The following ATRNL1 variants were observed in gnomAD, a reference collection of about 807,000 sequenced individuals.
The protein encoded by ATRNL1 is attractin-like protein 1.
ATRNL1 carries 95 observed loss-of-function variants against 182.7 expected under a neutral mutation model. The observed-to-expected ratio is 0.52, with a 90% CI of 0.44 to 0.62. ATRNL1 has a LOEUF of 0.62. Ranked by LOEUF, ATRNL1 falls within the 20% of genes least tolerant of loss-of-function variation. The pLI is 0.00. For missense variants in ATRNL1, 1,471 were observed against 1,679.5 expected (o/e 0.88, Z 2.17); for synonymous variants, 576 against 568.3 (o/e 1.01, Z -0.19).
At chr10:115,944,536 A>C in intron 28 of ATRNL1, 122 bp from the exon 29 acceptor site, 1 of 774,112 alleles carries the variant, frequency 1.3e-6, no homozygotes, top group African/African-American at 1.8e-5. Context: ...GAAAACTTCC[A>C]TTAACAGCCA....
At chr10:115,822,905 G>C (rs1161532132) in intron 27 of ATRNL1, among the ~76,000 whole-genome samples, 2 of 152,128 alleles carry the variant, frequency 1.3e-5, no homozygotes, top group Non-Finnish European at 2.9e-5. Context: ...AACAGAAAAA[G>C]GGGGACTCCT....
intron 26 of ATRNL1, among the ~76,000 whole-genome samples, chr10:115,689,950 T>C (rs72641356): frequency 0.02 from 2,994 of 152,214 alleles, 118 homozygotes; most frequent in East Asian, 0.19. Flanking sequence ...GCTGTACTTG[T>C]AACAGTGTGC....
chr10:115,423,662 A>G (rs561914907), intron 20 of ATRNL1, among the ~76,000 whole-genome samples: 22 of 152,358 alleles, frequency 1.4e-4, no homozygotes, highest in Non-Finnish European at 2.4e-4. Flanking sequence ...CAAAAATGCC[A>G]AGAATACACG....
intron 15 of ATRNL1, among the ~76,000 whole-genome samples, chr10:115,290,160 C>T (rs1852825119): frequency 1.3e-5 from 2 of 151,062 alleles, no homozygotes; most frequent in African/African-American, 4.9e-5. Context: ...ATTTATTTTC[C>T]ACCTAGTTTG....
intron 18 of ATRNL1, among the ~76,000 whole-genome samples, chr10:115,320,006 G>A (rs1253821942): frequency 5.9e-5 from 9 of 151,512 alleles, no homozygotes; most frequent in South Asian, 2.1e-4. Flanking sequence ...TTTATATCTC[G>A]GTGTGTTTTT....
At chr10:115,475,696 C>G (rs1270613738) in intron 24 of ATRNL1, among the ~76,000 whole-genome samples, 3 of 151,222 alleles carry the variant, frequency 2.0e-5, no homozygotes, top group African/African-American at 2.4e-5. Context: ...CAAAACCTTA[C>G]CTATTGCATT....
chr10:115,271,873 TC>T (rs1220510488), intron 13 of ATRNL1, among the ~76,000 whole-genome samples: 1 of 152,164 alleles, frequency 6.6e-6, no homozygotes, highest in Non-Finnish European at 1.5e-5. Flanking sequence ...TGAAATATAA[TC>T]CCCGGTCTTG....
chr10:115,647,757 T>C (rs1292258214), intron 26 of ATRNL1, among the ~76,000 whole-genome samples: 4 of 152,346 alleles, frequency 2.6e-5, no homozygotes, highest in Middle Eastern at 3.4e-3. Context: ...GGTTGCCTGT[T>C]CACTCTGATA....
chr10:115,308,717 T>A (rs1302602668), intron 17 of ATRNL1, among the ~76,000 whole-genome samples: 4 of 152,028 alleles, frequency 2.6e-5, no homozygotes, highest in African/African-American at 9.7e-5. Context: ...CTGCATAAGG[T>A]TTCTCATATA....
rs1455577699 is a variant in ATRNL1 at position 115,122,384 on chromosome 10, G to A, written c.491+572G>A. Among the ~76,000 whole-genome samples, 3 of 151,732 alleles carry A rather than the reference G, an allele frequency of 2.0e-5. No homozygotes were observed. In the East Asian group the frequency reaches 5.8e-4, roughly 29 times the overall value. On this transcript the variant is annotated intron_variant, in intron 3 of 28. Transcript: ENST00000355044. ...AATTTAAAAATCTTTTCTTGTGTAT[G>A]TTTAGATTATTATAAAAAGTTTCGT...
chr10:115,532,770 G>A (rs1333417587), intron 25 of ATRNL1, among the ~76,000 whole-genome samples: 1 of 151,648 alleles, frequency 6.6e-6, no homozygotes, highest in Non-Finnish European at 1.5e-5. Context: ...GTTTGTCATA[G>A]ATAGCTCTTA....
intron 26 of ATRNL1, among the ~76,000 whole-genome samples, chr10:115,683,782 T>C (rs1319821504): frequency 6.6e-6 from 1 of 151,854 alleles, no homozygotes; most frequent in African/African-American, 2.4e-5. Flanking sequence ...ATTCCTAAGT[T>C]GAAATTTGTA....
intron 20 of ATRNL1, among the ~76,000 whole-genome samples, chr10:115,413,730 C>T (rs939490189): frequency 1.3e-5 from 2 of 152,044 alleles, no homozygotes; most frequent in African/African-American, 4.8e-5. Flanking sequence ...TCAGGCTCAT[C>T]TTATTCCTCT....
At chr10:115,514,306 T>C (rs1049004754) in intron 24 of ATRNL1, among the ~76,000 whole-genome samples, 1 of 151,996 alleles carries the variant, frequency 6.6e-6, no homozygotes, top group Non-Finnish European at 1.5e-5. Flanking sequence ...TTCATATTTC[T>C]TATGAAAACT....
intron 26 of ATRNL1, among the ~76,000 whole-genome samples, chr10:115,578,524 T>G (rs12769284): frequency 0.16 from 24,774 of 151,630 alleles, 2,543 homozygotes; most frequent in South Asian, 0.24. Flanking sequence ...ATTATCCAAT[T>G]TCTTGGCATG....
chr10:115,938,309 G>A (rs1953623429), intron 28 of ATRNL1, among the ~76,000 whole-genome samples: 1 of 152,180 alleles, frequency 6.6e-6, no homozygotes, highest in Admixed American at 6.5e-5. Context: ...CTAAATTCCT[G>A]ATGTTTCTCC....
intron 24 of ATRNL1, among the ~76,000 whole-genome samples, chr10:115,470,522 G>A (rs551223840): frequency 1.5e-3 from 227 of 150,480 alleles, no homozygotes; most frequent in African/African-American, 5.2e-3. Flanking sequence ...AAAGGGAAAA[G>A]GGTTCATCTA....
chr10:115,697,460 G>A (rs1030773950), intron 26 of ATRNL1, among the ~76,000 whole-genome samples: 33 of 152,046 alleles, frequency 2.2e-4, no homozygotes, highest in Non-Finnish European at 8.8e-5. Flanking sequence ...CGAATAGCTG[G>A]CAATACAGAT....
At position 115,796,003 on chromosome 10, in the gene ATRNL1, A is replaced by G. The variant is rs143232774; in HGVS notation, c.3904-51874A>G. On this transcript the variant is annotated intron_variant, in intron 27 of 28. Transcript: ENST00000355044. ...TGAGTGCCAGATCACTCCCACATCTAGCTTCCCTCCTCACTCTGCCTGGGC... is the reference window on the plus strand; with the variant it reads ...TGAGTGCCAGATCACTCCCACATCTGGCTTCCCTCCTCACTCTGCCTGGGC... Among the ~76,000 whole-genome samples the G allele has an allele frequency of 5.4e-3, 823 of 152,018 alleles. 14 individuals are homozygous for G. Among genetic ancestry groups the G allele is most frequent in the African/African-American group, 0.019 (786 of 41,446 alleles).
Sources: gnomAD v4.1 joint callset for allele counts (sites outside exome capture counted in the v4.1 genomes callset) on GRCh38, gnomAD v4.1.1 for gene constraint, MANE v1.5 for transcripts, NCBI Gene and HGNC (gene_info 2026-07-23, HGNC 2026-07-21) for gene names.